The following MEGF11 variants were observed in gnomAD, a reference collection of about 807,000 sequenced individuals.
MEGF11 encodes the protein multiple epidermal growth factor-like domains protein 11.
Under a neutral mutation model 146.6 loss-of-function variants are expected in MEGF11, and 126 were observed. The observed-to-expected ratio is 0.86, with a 90% CI of 0.74 to 1.00. The LOEUF is 1.00. Among genes scored for constraint, MEGF11 ranks in the 50% least tolerant of loss-of-function variants. The probability of loss-of-function intolerance (pLI) is 0.00; values close to 1 mark genes in which losing one functional copy is unlikely to be tolerated. For missense variants in MEGF11, 1,509 were observed against 1,521.2 expected (o/e 0.99, Z 0.13); for synonymous variants, 532 against 583.4 (o/e 0.91, Z 1.27).
intron 5 of MEGF11, among the ~76,000 whole-genome samples, chr15:66,071,183 A>T (rs191876187): frequency 6.7e-6 from 1 of 149,438 alleles, no homozygotes; most frequent in African/African-American, 2.6e-5. Context: ...CCCCGTACAC[A>T]GGTATAGGAT....
intron 21 of MEGF11, among the ~76,000 whole-genome samples, chr15:65,911,608 T>A (rs2078809219): frequency 6.6e-6 from 1 of 152,224 alleles, no homozygotes; most frequent in Non-Finnish European, 1.5e-5. Flanking sequence ...AGATGGGGTT[T>A]CACCATCTTG....
At chr15:66,036,027 T>G (rs2083714000) in intron 5 of MEGF11, among the ~76,000 whole-genome samples, 1 of 152,230 alleles carries the variant, frequency 6.6e-6, no homozygotes, top group Admixed American at 6.5e-5. Context: ...GTGTCCTTTC[T>G]GCTTTCCTGC....
intron 16 of MEGF11, 32 bp downstream of exon 16, chr15:65,917,934 G>C: frequency 6.2e-7 from 1 of 1,613,596 alleles, no homozygotes; most frequent in Non-Finnish European, 8.5e-7. Context: ...CCTGACCCCA[G>C]GTAGGGGCAT....
intron 3 of MEGF11, among the ~76,000 whole-genome samples, chr15:66,122,068 G>C (rs780263237): frequency 6.6e-6 from 1 of 152,110 alleles, no homozygotes; most frequent in Non-Finnish European, 1.5e-5. Flanking sequence ...TTCGAGACCA[G>C]CCTGGCCAAT....
At chr15:66,024,989 C>A (rs552602192) in intron 5 of MEGF11, among the ~76,000 whole-genome samples, 3 of 152,112 alleles carry the variant, frequency 2.0e-5, no homozygotes, top group African/African-American at 4.8e-5. Flanking sequence ...GAGCCTCCCC[C>A]ACCCCTGTTA....
intron 1 of MEGF11, among the ~76,000 whole-genome samples, chr15:66,175,375 GC>G (rs1172078337): frequency 4.6e-5 from 7 of 152,074 alleles, no homozygotes. Flanking sequence ...ACAATCCTGA[GC>G]AAAAAGACAA....
At chr15:66,067,268 G>GT (rs1373623340) in intron 5 of MEGF11, among the ~76,000 whole-genome samples, 5 of 152,164 alleles carry the variant, frequency 3.3e-5, no homozygotes, top group African/African-American at 9.7e-5. Context: ...ATCCCTGTAC[G>GT]TTACTACTGC....
chr15:66,141,237 TGTGTGTGTGTG>T (rs2089137516), intron 1 of MEGF11, among the ~76,000 whole-genome samples: 1 of 23,864 alleles, frequency 4.2e-5, no homozygotes, highest in Non-Finnish European at 9.0e-5. Flanking sequence ...CTCAGGGGTG[TGTGTGTGTGTG>T]TGTGTGTGTG....
At chr15:66,206,399 C>T (rs1317196451) in intron 1 of MEGF11, among the ~76,000 whole-genome samples, 2 of 152,044 alleles carry the variant, frequency 1.3e-5, no homozygotes, top group African/African-American at 4.8e-5. Flanking sequence ...AGAGAAAACT[C>T]CATCAATTTG....
intron 5 of MEGF11, among the ~76,000 whole-genome samples, chr15:66,030,863 A>G (rs561420261): frequency 6.6e-6 from 1 of 152,370 alleles, no homozygotes; most frequent in South Asian, 2.1e-4. Flanking sequence ...AACGAGCATT[A>G]CATGCCTAAT....
At chr15:66,055,037 A>C (rs2084620701) in intron 5 of MEGF11, among the ~76,000 whole-genome samples, 1 of 152,252 alleles carries the variant, frequency 6.6e-6, no homozygotes, top group African/African-American at 2.4e-5. Context: ...GTACAGACTT[A>C]GAATCTGGGT....
intron 1 of MEGF11, among the ~76,000 whole-genome samples, chr15:66,217,211 G>A (rs1423006461): frequency 6.6e-6 from 1 of 152,238 alleles, no homozygotes; most frequent in African/African-American, 2.4e-5. Context: ...ATCCACAGAA[G>A]GCACCTCAGA....
intron 5 of MEGF11, among the ~76,000 whole-genome samples, chr15:66,057,324 G>A (rs2084716797): frequency 1.3e-5 from 2 of 152,198 alleles, no homozygotes; most frequent in African/African-American, 2.4e-5. Flanking sequence ...GAGGGCAGTG[G>A]TGCTGGCTCA....
intron 4 of MEGF11, among the ~76,000 whole-genome samples, chr15:66,114,405 A>C (rs999380741): frequency 4.6e-5 from 7 of 152,216 alleles, no homozygotes; most frequent in African/African-American, 1.7e-4. Flanking sequence ...ATTAAACTTC[A>C]CTGTTTCAAG....
chr15:66,023,151 A>AAACAAAAC (rs1555462458), intron 5 of MEGF11, among the ~76,000 whole-genome samples: 2 of 150,116 alleles, frequency 1.3e-5, no homozygotes, highest in African/African-American at 4.9e-5. Flanking sequence ...AAAAAAAAAA[A>AAACAAAAC]AAAACAAACT....
At chr15:65,944,293 G>T (rs189698646) in intron 10 of MEGF11, among the ~76,000 whole-genome samples, 32 of 152,298 alleles carry the variant, frequency 2.1e-4, no homozygotes, top group Admixed American at 7.2e-4. Context: ...GAAAGGCTCT[G>T]TCCCATAGGG....
At chr15:66,016,861 CTA>C (rs1491367409) in intron 5 of MEGF11, among the ~76,000 whole-genome samples, 2 of 152,120 alleles carry the variant, frequency 1.3e-5, no homozygotes, top group African/African-American at 4.8e-5. Flanking sequence ...AAAGGGATGC[CTA>C]TAGAGACAGG....
intron 1 of MEGF11, among the ~76,000 whole-genome samples, chr15:66,209,554 A>G (rs558104822): frequency 6.6e-6 from 1 of 152,334 alleles, no homozygotes; most frequent in African/African-American, 2.4e-5. Context: ...CTATGGTACA[A>G]TCATACCATA....
chr15:65,912,040 A>G (rs1273721928), intron 21 of MEGF11, 42 bp downstream of exon 21: 7 of 1,110,712 alleles, frequency 6.3e-6, no homozygotes, highest in Non-Finnish European at 5.7e-6. Flanking sequence ...GGGTTAAATG[A>G]GAGGGCAGTG....
Sources: allele counts gnomAD v4.1 joint callset (sites outside exome capture counted in the v4.1 genomes callset), GRCh38; gene constraint gnomAD v4.1.1; transcripts MANE v1.5; gene names NCBI Gene and HGNC (gene_info 2026-07-23, HGNC 2026-07-21).